The following SCN7A variants were observed in gnomAD, a reference collection of about 807,000 sequenced individuals.
The protein encoded by SCN7A is sodium channel protein type 7 subunit alpha.
A neutral mutation model predicts 155.2 loss-of-function variants in SCN7A; 138 were observed. That is an observed-to-expected ratio of 0.89 (90% CI 0.77 to 1.02). SCN7A has a LOEUF of 1.02. SCN7A is among the 50% of genes least tolerant of loss of function. The probability of loss-of-function intolerance (pLI) is 0.00; values close to 1 mark genes in which losing one functional copy is unlikely to be tolerated. For synonymous variants in SCN7A, 693 were observed against 649.0 expected (o/e 1.07, Z -1.03); for missense variants, 2,058 against 1,986.6 (o/e 1.04, Z -0.68).
intron 11 of SCN7A, among the ~76,000 whole-genome samples, chr2:166,451,377 G>GA (rs1467938734): frequency 6.6e-6 from 1 of 152,168 alleles, no homozygotes; most frequent in East Asian, 1.9e-4. Flanking sequence ...AGTGAAAATT[G>GA]AGAGGATTGT....
intron 18 of SCN7A, among the ~76,000 whole-genome samples, chr2:166,424,111 A>G (rs756680292): frequency 9.9e-5 from 15 of 152,140 alleles, no homozygotes; most frequent in African/African-American, 1.4e-4. Context: ...AATCTCATAT[A>G]AAGAATGATG....
intron 11 of SCN7A, 75 bp from the exon 12 acceptor site, chr2:166,447,783 T>C (rs1702096588): frequency 2.1e-6 from 2 of 967,610 alleles, no homozygotes; most frequent in Non-Finnish European, 3.2e-6. Flanking sequence ...GTGCACAGCC[T>C]TGCTAAAAAT....
chr2:166,444,772 A>G lies in SCN7A; in HGVS notation c.1616T>C (p.Ile539Thr). ...CAATGAGAGTCTTACCAGGTTTCCAATGTTGAGAAGAGTGTTAGTTTGTTT... is the reference window on the plus strand; with the variant it reads ...CAATGAGAGTCTTACCAGGTTTCCAGTGTTGAGAAGAGTGTTAGTTTGTTT... ...MSKQTNTLLNIGNLVFIGIFT... is the reference protein window; with the variant it reads ...MSKQTNTLLNTGNLVFIGIFT... Residue 539 changes from isoleucine to threonine, a missense_variant, in exon 13 of 26, where the codon ATT (isoleucine) becomes ACT (threonine). Coordinates refer to ENST00000643258, the MANE Select transcript of SCN7A (RefSeq NM_002976.4). The G allele has an allele frequency of 6.4e-6, 10 of 1,566,048 alleles. No individual in the cohort carries two copies. Among genetic ancestry groups the G allele is most frequent in the Non-Finnish European group, 8.7e-6 (10 of 1,145,826 alleles).
intron 3 of SCN7A, among the ~76,000 whole-genome samples, chr2:166,475,093 C>CATATATATGTATATATATATATATAT (rs1553520518): frequency 1.5e-5 from 2 of 129,560 alleles, no homozygotes; most frequent in African/African-American, 5.7e-5. Flanking sequence ...TATATATATA[C>CATATATATGTATATATATATATATAT]ACATATATAT....
Position 166,413,785 on chromosome 2 carries a change from C to G in SCN7A, c.3415-664G>C, listed in dbSNP as rs150802881. The stretch of plus-strand genomic sequence containing the variant: ...ACGTGAAAAGGCGAGACTGGCCTAG[C>G]CTCCCAGCCTATATTTTTCTCCTGT... On this transcript the variant is annotated intron_variant, in intron 21 of 25. Coordinates refer to ENST00000643258, the MANE Select transcript of SCN7A (RefSeq NM_002976.4). Among the ~76,000 whole-genome samples, 1,116 of 150,468 alleles carry G rather than the reference C, an allele frequency of 7.4e-3. 21 individuals are homozygous for G. Among genetic ancestry groups the G allele is most frequent in the African/African-American group, 0.026 (1,052 of 40,938 alleles).
At chr2:166,447,511 T>A in intron 12 of SCN7A, 101 bp downstream of exon 12, 1 of 689,640 alleles carries the variant, frequency 1.5e-6, no homozygotes, top group Non-Finnish European at 2.4e-6. Flanking sequence ...AAATTTTTGT[T>A]ATTACCATCT....
At chr2:166,432,915 A>G (rs1477361013) in intron 15 of SCN7A, among the ~76,000 whole-genome samples, 163 bp from the exon 16 acceptor site, 1 of 152,164 alleles carries the variant, frequency 6.6e-6, no homozygotes, top group Non-Finnish European at 1.5e-5. Context: ...ACCATGCTGT[A>G]CAATGCATCT....
At position 166,465,859 on chromosome 2, in the gene SCN7A, G is replaced by A. The variant is rs748413617; in HGVS notation, c.793C>T (p.His265Tyr). ...TCTTGGGGCCATCGAAAACATTTAT[G>A]TTTCAAGTTGCCCATGAAGAGCCCC... ...GMGLFMGNLK[H>Y]KCFRWPQENE... The change falls in exon 8 of 26, where the codon CAT becomes TAT. Residue 265 changes from histidine to tyrosine, a missense_variant. By Grantham distance (83) the His-to-Tyr change is moderately conservative. Coordinates refer to ENST00000643258, the MANE Select transcript of SCN7A (RefSeq NM_002976.4). The A allele has an allele frequency of 4.3e-6, 7 of 1,613,830 alleles. No homozygotes were observed. Among genetic ancestry groups the A allele is most frequent in the South Asian group, 1.1e-5 (1 of 91,064 alleles).
chr2:166,454,365 A>G (rs2105459495), intron 11 of SCN7A, among the ~76,000 whole-genome samples: 1 of 152,336 alleles, frequency 6.6e-6, no homozygotes, highest in Non-Finnish European at 1.5e-5. Context: ...CACAGTCCAC[A>G]ACTGCTTCTT....
chr2:166,482,069 A>G (rs936009253), intron 2 of SCN7A, among the ~76,000 whole-genome samples: 4 of 152,098 alleles, frequency 2.6e-5, no homozygotes, highest in Non-Finnish European at 5.9e-5. Flanking sequence ...ACATCTTACA[A>G]TTTTGGAACA....
In SCN7A at chr2:166,494,023, CT is replaced by C; in HGVS notation, c.-184del. 2.0e-5 allele frequency: 3 copies of C among 152,504 alleles called. No homozygotes were observed. The Middle Eastern group carries it at 0.01, about 519-fold the overall frequency. 9.4% of individuals were successfully genotyped at this position (152,504 alleles called of 1,614,324 possible). A position where few individuals can be genotyped will look rare whatever the true frequency, so the allele number is the denominator to read the frequency against. ...CCTGAGGGACCCTTCAGGAGCAGGG[CT>C]CCTTGGAGCCCTTTCCTCCTCCTGG... On this transcript the variant is annotated 5_prime_UTR_variant, in exon 1 of 26. Coordinates refer to ENST00000643258, the MANE Select transcript of SCN7A (RefSeq NM_002976.4).
Position 166,405,961 on chromosome 2 carries a change from C to T in SCN7A, c.4668G>A (p.Lys1556=), listed in dbSNP as rs1053797531. The change falls in exon 26 of 26, where the codon AAG becomes AAA. Residue 1556 remains lysine, a synonymous_variant. Coordinates refer to ENST00000643258, the MANE Select transcript of SCN7A (RefSeq NM_002976.4). Reference sequence around the variant, plus strand: ...GGAGGTCCAAAGCAATGAGCTGGCCCTTGTTTGGTTTTGCCATGAAAAGAG... The same window carrying T: ...GGAGGTCCAAAGCAATGAGCTGGCCTTTGTTTGGTTTTGCCATGAAAAGAG... ...DPPLFMAKPN[K]GQLIALDLPM... 6 of 1,612,800 alleles carry T rather than the reference C, an allele frequency of 3.7e-6. No homozygotes were observed. The highest frequency in any genetic ancestry group is 1.7e-5 in the Admixed American group (1 of 59,802).
chr2:166,480,064 CTTTA>C (rs1702885658), intron 2 of SCN7A, among the ~76,000 whole-genome samples: 1 of 152,150 alleles, frequency 6.6e-6, no homozygotes, highest in Admixed American at 6.5e-5. Flanking sequence ...ACATGTTAAA[CTTTA>C]TTAAGGGGAG....
Position 166,444,786 on chromosome 2 carries a change from G to A in SCN7A, c.1602C>T (p.Asn534=). The change falls in exon 13 of 26, where the codon AAC becomes AAT. Residue 534 remains asparagine, a synonymous_variant. Coordinates refer to ENST00000643258, the MANE Select transcript of SCN7A (RefSeq NM_002976.4). ...CCAGGTTTCCAATGTTGAGAAGAGT[G>A]TTAGTTTGTTTACTCATTGGATAAT... ...LEHYPMSKQT[N]TLLNIGNLVF... is the part of the protein sequence containing the mutation. The A allele has an allele frequency of 6.3e-7, 1 of 1,587,636 alleles. No homozygotes were observed.
chr2:166,414,281 T>TAG (rs1701303362), intron 21 of SCN7A, among the ~76,000 whole-genome samples: 28 of 31,784 alleles, frequency 8.8e-4, no homozygotes, highest in South Asian at 1.8e-3. Context: ...CATATATATA[T>TAG]ATATACACAC....
At chr2:166,475,187 C>A (rs1702770539) in intron 3 of SCN7A, among the ~76,000 whole-genome samples, 1 of 141,780 alleles carries the variant, frequency 7.1e-6, no homozygotes, top group Non-Finnish European at 1.5e-5. Context: ...ACCATATATC[C>A]ATTTGGAAAA....
In SCN7A at chr2:166,473,882, G is replaced by C. The variant is rs1468145228; in HGVS notation, c.360C>G (p.Phe120Leu). The change falls in exon 5 of 26, where the codon TTC becomes TTG. Residue 120 changes from phenylalanine to leucine, a missense_variant. Transcript: ENST00000643258. The stretch of plus-strand genomic sequence containing the variant: ...GGACACTAATTAGAATAAACAGTTG[G>C]AAAAAGGTAGCTTATAGTCAAGGAA... The part of the protein sequence containing the change: ...TTIKVLVHPF[F>L]QLFILISVLI... The C allele has an allele frequency of 6.4e-7, 1 of 1,551,856 alleles. No homozygotes were observed. The highest frequency in any genetic ancestry group is 1.8e-5 in the Admixed American group (1 of 56,448).
intron 19 of SCN7A, among the ~76,000 whole-genome samples, chr2:166,422,811 T>C (rs2105393129): frequency 6.6e-6 from 1 of 152,260 alleles, no homozygotes; most frequent in South Asian, 2.1e-4. Flanking sequence ...AACAGAATGA[T>C]GGTATGCAGG....
At position 166,432,684 on chromosome 2, in the gene SCN7A, A is replaced by G; in HGVS notation, c.2226T>C (p.Asn742=). Residue 742 remains asparagine, a synonymous_variant, in exon 16 of 26, where the codon AAT becomes AAC. Transcript: ENST00000643258. ...CAAGCTGGAGATTTTTTGCTTCATT[A>G]TTCTCTTCAGCTGTTACATCCTTGC... is the stretch of plus-strand genomic sequence containing the variant. The part of the protein sequence containing the change: ...SSCKDVTAEE[N]NEAKNLQLAV... 6.2e-7 allele frequency: 1 copy of G among 1,603,016 alleles called. No homozygotes were observed.
Sources: allele counts gnomAD v4.1 joint callset (sites outside exome capture counted in the v4.1 genomes callset), GRCh38; gene constraint gnomAD v4.1.1; transcripts MANE v1.5; gene names NCBI Gene and HGNC (gene_info 2026-07-23, HGNC 2026-07-21).